GSDMC: variants seen among roughly 807,000 people sequenced by gnomAD.
GSDMC encodes gasdermin-C.
Under a neutral mutation model 58.0 loss-of-function variants are expected in GSDMC, and 59 were observed. The observed-to-expected ratio is 1.02, with a 90% CI of 0.82 to 1.26. The LOEUF (loss-of-function observed/expected upper bound fraction) is 1.26, where lower values mean the gene tolerates loss of function less well. GSDMC is among the 50% of genes most tolerant of loss of function. GSDMC has a pLI of 0.00. For synonymous variants in GSDMC, 241 were observed against 220.2 expected (o/e 1.09, Z -0.83); for missense variants, 659 against 598.5 (o/e 1.10, Z -1.06).
chr8:129,754,804 A>C (rs2033362238), intron 6 of GSDMC, among the ~76,000 whole-genome samples: 1 of 152,248 alleles, frequency 6.6e-6, no homozygotes, highest in Non-Finnish European at 1.5e-5. Flanking sequence ...TGGAGTTGAA[A>C]AATGCAGTTG....
chr8:129,767,697 C>A (rs2033911714), intron 3 of GSDMC, among the ~76,000 whole-genome samples: 1 of 151,984 alleles, frequency 6.6e-6, no homozygotes, highest in South Asian at 2.1e-4. Context: ...CCTACCCAAA[C>A]ACGGAGCCCA....
chr8:129,763,170 A>C (rs2033735240), intron 4 of GSDMC, among the ~76,000 whole-genome samples: 1 of 152,012 alleles, frequency 6.6e-6, no homozygotes, highest in Non-Finnish European at 1.5e-5. Context: ...CTGTCTCTTT[A>C]CTCATTCTCT....
intron 6 of GSDMC, among the ~76,000 whole-genome samples, chr8:129,753,279 A>G (rs1010427283): frequency 6.6e-6 from 1 of 152,178 alleles, no homozygotes; most frequent in African/African-American, 2.4e-5. Context: ...AGTACAGAGG[A>G]TTCTGTCCCG....
chr8:129,738,643 T>C, the GSDMC span, among the ~76,000 whole-genome samples: 2 of 151,708 alleles, frequency 1.3e-5, no homozygotes, highest in Non-Finnish European at 2.9e-5. Context: ...CATCACACAC[T>C]GGGGCCTCTC....
the GSDMC span, chr8:129,728,922 G>T: frequency 1.5e-6 from 1 of 664,282 alleles, no homozygotes; most frequent in Non-Finnish European, 2.9e-6. Context: ...CCATTTGAAG[G>T]TCAGGAGGCC....
chr8:129,738,329 A>G, the GSDMC span, among the ~76,000 whole-genome samples: 1 of 152,240 alleles, frequency 6.6e-6, no homozygotes, highest in Non-Finnish European at 1.5e-5. Context: ...AAGGATTATA[A>G]ATCATGCTAT....
the GSDMC span, among the ~76,000 whole-genome samples, chr8:129,738,407 A>C: frequency 6.6e-6 from 1 of 152,218 alleles, no homozygotes; most frequent in Non-Finnish European, 1.5e-5. Context: ...AGCCAACCCA[A>C]ATGTTCATCA....
In GSDMC at chr8:129,776,207, C is replaced by T. The variant is rs2034219737; in HGVS notation, c.299G>A (p.Gly100Asp). 2 of 1,613,728 alleles carry T rather than the reference C, an allele frequency of 1.2e-6. No homozygotes were observed. Among genetic ancestry groups the T allele is most frequent in the Non-Finnish European group, 1.7e-6 (2 of 1,179,646 alleles). ...KHKADMGVNVGIEVSVSGEAS... is the reference protein window; with the variant it reads ...KHKADMGVNVDIEVSVSGEAS... ...CTCCCCTGACACACTCACTTCTATA[C>T]CAACATTCACACCCATGTCAGCCTT... is the stretch of plus-strand genomic sequence containing the variant. Residue 100 changes from glycine to aspartate, a missense_variant, in exon 3 of 14, where the codon GGT becomes GAT. Gly to Asp is a moderately conservative substitution (Grantham distance 94). Transcript: ENST00000276708.
rs190740207 is a variant in GSDMC at position 129,758,934 on chromosome 8, A to G, written c.721+1611T>C. On this transcript the variant is annotated intron_variant, in intron 6 of 13. Coordinates refer to ENST00000276708, the MANE Select transcript of GSDMC (RefSeq NM_031415.3). ...TATCCTCAGCAAAAAGAACAAAACC[A>G]GAAGAATCACATTACCTGACTCCAA... Among the ~76,000 whole-genome samples, 11 of 152,216 alleles carry G rather than the reference A, an allele frequency of 7.2e-5. No homozygotes were observed. In the East Asian group the frequency reaches 1.9e-3, roughly 27 times the overall value.
the GSDMC span, among the ~76,000 whole-genome samples, chr8:129,743,182 T>A: frequency 6.6e-6 from 1 of 152,172 alleles, no homozygotes; most frequent in African/African-American, 2.4e-5. Flanking sequence ...TTTCAGCACG[T>A]ATTTCTTTTA....
chr8:129,724,494 A>G, the GSDMC span, among the ~76,000 whole-genome samples: 1 of 151,876 alleles, frequency 6.6e-6, no homozygotes, highest in Non-Finnish European at 1.5e-5. Context: ...ACCTTGTCTG[A>G]GATGACAGCT....
chr8:129,753,914 T>C (rs967406650), intron 6 of GSDMC, among the ~76,000 whole-genome samples: 4 of 152,102 alleles, frequency 2.6e-5, no homozygotes, highest in African/African-American at 9.7e-5. Context: ...CTCCTCTACC[T>C]GTGAAAAGGG....
the GSDMC span, among the ~76,000 whole-genome samples, chr8:129,719,234 C>A: frequency 1.3e-5 from 2 of 152,078 alleles, no homozygotes; most frequent in Admixed American, 6.6e-5. Context: ...ATATTAAATT[C>A]AGACGAAATG....
At chr8:129,776,338 CAAAGGT>C in intron 2 of GSDMC, 53 bp from the exon 3 acceptor site, 1 of 1,446,358 alleles carries the variant, frequency 6.9e-7, no homozygotes, top group Non-Finnish European at 9.3e-7. Flanking sequence ...TTCAAGAATT[CAAAGGT>C]TTAGCCAAGA....
At chr8:129,750,311 C>A in intron 11 of GSDMC, 120 bp downstream of exon 11, 1 of 1,171,502 alleles carries the variant, frequency 8.5e-7, no homozygotes, top group Non-Finnish European at 1.2e-6. Flanking sequence ...AGTCCCCAGT[C>A]TTTCTCATTC....
rs2033116670 is a variant in GSDMC at position 129,750,066 on chromosome 8, C to A, written c.1137G>T (p.Lys379Asn). 6.2e-7 allele frequency: 1 copy of A among 1,610,206 alleles called. No individual in the cohort carries two copies. The highest frequency in any genetic ancestry group is 1.1e-5 in the South Asian group (1 of 90,176). The change falls in exon 12 of 14, where the codon AAG becomes AAT. Residue 379 changes from lysine (K) to asparagine (N), a missense_variant. Coordinates refer to ENST00000276708, the MANE Select transcript of GSDMC (RefSeq NM_031415.3). The part of the protein sequence containing the change: ...HLDGPGGAIL[K>N]KLQQDSNHAW... ...CATGGTTTGAATCCTGTTGAAGTTT[C>A]TTTAGGATGGCACCACCAGGGCCAT...
chr8:129,753,030 C>T (rs2033278920), intron 6 of GSDMC: 5 of 852,950 alleles, frequency 5.9e-6, no homozygotes, highest in African/African-American at 1.7e-5. Context: ...AGCCAAAGAG[C>T]TCTGGAGTCC....
chr8:129,770,700 G>A (rs1476362278), intron 3 of GSDMC, among the ~76,000 whole-genome samples: 1 of 151,866 alleles, frequency 6.6e-6, no homozygotes, highest in East Asian at 1.9e-4. Flanking sequence ...AATCACAAAG[G>A]AAGATGGCAG....
the GSDMC span, chr8:129,730,011 G>A: frequency 0.22 from 307,927 of 1,403,804 alleles, 44,920 homozygotes; most frequent in African/African-American, 0.66. Context: ...ATCTTCCAAC[G>A]GAAGAAGAAA....
Sources: gnomAD v4.1 joint callset for allele counts (sites outside exome capture counted in the v4.1 genomes callset) on GRCh38, gnomAD v4.1.1 for gene constraint, MANE v1.5 for transcripts, NCBI Gene and HGNC (gene_info 2026-07-23, HGNC 2026-07-21) for gene names.